ENTPD7: variants seen among roughly 807,000 people sequenced by gnomAD.
ENTPD7 encodes the protein NTPDase 7.
ENTPD7 carries 53 observed loss-of-function variants against 77.9 expected under a neutral mutation model. The observed-to-expected ratio is 0.68, with a 90% CI of 0.55 to 0.85. ENTPD7 has a LOEUF of 0.85. Ranked by LOEUF, ENTPD7 falls within the 40% of genes least tolerant of loss-of-function variation. The pLI is 0.00. For synonymous variants in ENTPD7, 248 were observed against 274.9 expected (o/e 0.90, Z 0.97); for missense variants, 636 against 743.7 (o/e 0.86, Z 1.68).
chr10:99,693,805 C>A (rs61182445), intron 8 of ENTPD7, among the ~76,000 whole-genome samples: 2,422 of 152,050 alleles, frequency 0.016, 65 homozygotes, highest in African/African-American at 0.055. Flanking sequence ...TCTAACCCTG[C>A]TACTCAGGAG....
chr10:99,682,375 T>C (rs1328692789), intron 5 of ENTPD7, among the ~76,000 whole-genome samples: 1 of 152,222 alleles, frequency 6.6e-6, no homozygotes, highest in Non-Finnish European at 1.5e-5. Flanking sequence ...TCACAGTTAC[T>C]GGTTTACTGA....
Position 99,709,836 on chromosome 10 carries a change from T to A in ENTPD7, c.*5153T>A, listed in dbSNP as rs1415845347. ...TTATTTTCCAGTTTGTCAGTACCGT[T>A]ATCAGAGGGACGAGGAAGGAATAAC... On this transcript the variant is annotated 3_prime_UTR_variant, in exon 13 of 13. Transcript: ENST00000370489. The A allele has an allele frequency of 1.0e-6, 1 of 985,214 alleles. No individual in the cohort carries two copies. Among genetic ancestry groups the A allele is most frequent in the Non-Finnish European group, 1.2e-6 (1 of 829,836 alleles). 61.0% of individuals were successfully genotyped at this position (985,214 alleles called of 1,614,324 possible). A position where few individuals can be genotyped will look rare whatever the true frequency, so the allele number is the denominator to read the frequency against.
At chr10:99,684,867 T>C (rs2035793202) in intron 5 of ENTPD7, among the ~76,000 whole-genome samples, 1 of 152,216 alleles carries the variant, frequency 6.6e-6, no homozygotes, top group Non-Finnish European at 1.5e-5. Context: ...AATGTTGTTA[T>C]GTCCTCTGGA....
chr10:99,677,148 T>C (rs4919382), intron 3 of ENTPD7, among the ~76,000 whole-genome samples: 128,359 of 152,028 alleles, frequency 0.84, 54,395 homozygotes, highest in Middle Eastern at 0.92. Flanking sequence ...GGTGGTTTTA[T>C]TGTGAAGCTA....
At chr10:99,660,796 C>T (rs2035474610) in intron 2 of ENTPD7, among the ~76,000 whole-genome samples, 1 of 152,052 alleles carries the variant, frequency 6.6e-6, no homozygotes, top group Admixed American at 6.6e-5. Context: ...GTGGCAGTCA[C>T]CTGTAATCCC....
At chr10:99,666,239 A>C (rs2035548697) in intron 3 of ENTPD7, among the ~76,000 whole-genome samples, 1 of 151,048 alleles carries the variant, frequency 6.6e-6, no homozygotes, top group Admixed American at 6.6e-5. Flanking sequence ...ACAGAGTCTC[A>C]CTCTGTCACC....
intron 2 of ENTPD7, 47 bp downstream of exon 2, chr10:99,660,011 G>A (rs779945442): frequency 5.6e-6 from 9 of 1,613,460 alleles, no homozygotes; most frequent in Non-Finnish European, 7.6e-6. Context: ...GCAGAGGATG[G>A]CAGGCAGGTT....
chr10:99,660,526 GCACACACACA>G lies in ENTPD7; in HGVS notation c.8+589_8+598del, dbSNP rs68112730. 6.0e-3 allele frequency: 1,681 copies of G among 282,512 alleles called. 8 individuals are homozygous for G. The highest frequency in any genetic ancestry group is 0.015 in the African/African-American group (663 of 43,126). The allele number at this position is 282,512 out of a possible 1,614,324, so 17.5% of individuals were successfully genotyped here. On this transcript the variant is annotated intron_variant, in intron 2 of 12. Transcript: ENST00000370489. ...TGTGTAAAACCGAGGGAATGGATAC[GCACACACACA>G]CACACACACACACACACACACACAC...
At position 99,688,761 on chromosome 10, in the gene ENTPD7, T is replaced by G; in HGVS notation, c.709+11T>G. 2.5e-6 allele frequency: 4 copies of G among 1,613,706 alleles called. No homozygotes were observed. Among genetic ancestry groups the G allele is most frequent in the Non-Finnish European group, 3.4e-6 (4 of 1,179,688 alleles). On this transcript the variant is annotated intron_variant, in intron 7 of 12. Transcript: ENST00000370489. Reference sequence around the variant, plus strand: ...TCGACCACGAGGATGGTGAGTAATATTGTCTTTTTATGACAGTTTACCTAA... The same window carrying G: ...TCGACCACGAGGATGGTGAGTAATAGTGTCTTTTTATGACAGTTTACCTAA...
intron 3 of ENTPD7, among the ~76,000 whole-genome samples, chr10:99,677,785 CACA>C (rs2035703748): frequency 6.6e-6 from 1 of 152,232 alleles, no homozygotes; most frequent in Non-Finnish European, 1.5e-5. Flanking sequence ...ACAGCGGCAG[CACA>C]GTTCTGCTAT....
intron 7 of ENTPD7, among the ~76,000 whole-genome samples, chr10:99,690,518 T>A (rs1437069318): frequency 1.3e-5 from 2 of 152,098 alleles, no homozygotes; most frequent in African/African-American, 4.8e-5. Flanking sequence ...TAAACATTTA[T>A]TTGTTTTATT....
In ENTPD7 at chr10:99,659,784, G is replaced by A. The variant is rs1298946810; in HGVS notation, c.-95-78G>A. Reference sequence around the variant, plus strand: ...AGACGGAGCGGGAGCCTGGGGAGGAGGTGGGAGCCGTGGAATTCCCGTGCA... The same window carrying A: ...AGACGGAGCGGGAGCCTGGGGAGGAAGTGGGAGCCGTGGAATTCCCGTGCA... On this transcript the variant is annotated intron_variant, in intron 1 of 12. Coordinates refer to ENST00000370489, the MANE Select transcript of ENTPD7 (RefSeq NM_020354.5). This position sits in a 1 kb window ranked among gnomAD's most constrained non-coding sequence, Gnocchi z 4.1. 2 of 829,818 alleles carry A rather than the reference G, an allele frequency of 2.4e-6. No homozygotes were observed. The highest frequency in any genetic ancestry group is 1.7e-5 in the South Asian group (1 of 58,842). The allele number at this position is 829,818 out of a possible 1,614,324, so 51.4% of individuals were successfully genotyped here.
rs899533159 is a variant in ENTPD7 at position 99,706,942 on chromosome 10, G to C, written c.*2259G>C. On this transcript the variant is annotated 3_prime_UTR_variant, in exon 13 of 13. Transcript: ENST00000370489. ...TGTGCTAAAAATGAACTTGAAACAC[G>C]GAAGTAGTGGTTGGTCCAGTTTGAA... Among the ~76,000 whole-genome samples, 8 of 152,134 alleles carry C rather than the reference G, an allele frequency of 5.3e-5. No homozygotes were observed. Among genetic ancestry groups the C allele is most frequent in the African/African-American group, 1.9e-4 (8 of 41,442 alleles).
intron 5 of ENTPD7, among the ~76,000 whole-genome samples, chr10:99,680,805 G>A (rs1043016864): frequency 6.6e-6 from 1 of 152,072 alleles, no homozygotes; most frequent in Non-Finnish European, 1.5e-5. Context: ...TAGAACTCCT[G>A]GGCTCAAGTG....
In ENTPD7 at chr10:99,706,806, C is replaced by T. The variant is rs12264909; in HGVS notation, c.*2123C>T. Among the ~76,000 whole-genome samples, 2,087 of 152,248 alleles carry T rather than the reference C, an allele frequency of 0.014. 47 individuals are homozygous for T. The highest frequency in any genetic ancestry group is 0.046 in the African/African-American group (1,927 of 41,542). Reference sequence around the variant, plus strand: ...ATGTTTTAGCTGCCTACTCAGGTAACGTTTTCTTTTGCTCTCATCTTGGTT... The same window carrying T: ...ATGTTTTAGCTGCCTACTCAGGTAATGTTTTCTTTTGCTCTCATCTTGGTT... On this transcript the variant is annotated 3_prime_UTR_variant, in exon 13 of 13. Coordinates refer to ENST00000370489, the MANE Select transcript of ENTPD7 (RefSeq NM_020354.5).
chr10:99,676,814 A>G (rs2035686846), intron 3 of ENTPD7, among the ~76,000 whole-genome samples: 2 of 152,232 alleles, frequency 1.3e-5, no homozygotes, highest in South Asian at 4.1e-4. Context: ...GATTTTTACC[A>G]TCTGCTTCAT....
intron 9 of ENTPD7, among the ~76,000 whole-genome samples, chr10:99,696,798 C>G (rs1033577011): frequency 6.6e-6 from 1 of 152,096 alleles, no homozygotes; most frequent in African/African-American, 2.4e-5. Flanking sequence ...AGTTCTTTTC[C>G]ATCATTAAAT....
At chr10:99,683,015 C>T (rs1403518530) in intron 5 of ENTPD7, among the ~76,000 whole-genome samples, 1 of 152,184 alleles carries the variant, frequency 6.6e-6, no homozygotes, top group Non-Finnish European at 1.5e-5. Flanking sequence ...ACAAAACCCA[C>T]TGTGTAGCTC....
At position 99,698,831 on chromosome 10, in the gene ENTPD7, T is replaced by C. The variant is rs1564635696; in HGVS notation, c.1308T>C (p.His436=). ...EDVLRIGGRY[H]GPTFAKAAQD... ...TGTTGCGCATTGGTGGCCGCTACCATGGGCCAACATTTGCCAAGGCTGCTC... is the reference window on the plus strand; with the variant it reads ...TGTTGCGCATTGGTGGCCGCTACCACGGGCCAACATTTGCCAAGGCTGCTC... The change falls in exon 10 of 13, where the codon CAT becomes CAC. Residue 436 remains histidine, a synonymous_variant. Transcript: ENST00000370489. 6.2e-7 allele frequency: 1 copy of C among 1,606,238 alleles called. No individual in the cohort carries two copies. The highest frequency in any genetic ancestry group is 1.1e-5 in the South Asian group (1 of 90,252).
Sources: gnomAD v4.1 joint callset for allele counts (sites outside exome capture counted in the v4.1 genomes callset) on GRCh38, gnomAD v4.1.1 for gene constraint, Gnocchi (gnomAD v3.1) non-coding constraint, MANE v1.5 for transcripts, NCBI Gene and HGNC (gene_info 2026-07-23, HGNC 2026-07-21) for gene names.